The following MAPK6 variants were observed in gnomAD, a reference collection of about 807,000 sequenced individuals.
The protein encoded by MAPK6 is mitogen-activated protein kinase 6.
MAPK6 carries 19 observed loss-of-function variants against 59.3 expected under a neutral mutation model. The observed-to-expected ratio is 0.32, with a 90% confidence interval of 0.22 to 0.47. The LOEUF is 0.47. Among genes scored for constraint, MAPK6 ranks in the 20% least tolerant of loss-of-function variants. MAPK6 has a pLI of 1.00. For missense variants in MAPK6, 724 were observed against 847.9 expected (o/e 0.85, Z 1.81); for synonymous variants, 316 against 290.3 (o/e 1.09, Z -0.90).
intron 2 of MAPK6, among the ~76,000 whole-genome samples, chr15:51,986,255 C>T (rs905751915): frequency 1.3e-5 from 2 of 152,116 alleles, no homozygotes; most frequent in African/African-American, 4.8e-5. Flanking sequence ...TCCCATGATC[C>T]AATCACCTCC....
chr15:51,997,554 G>A (rs960334155), intron 2 of MAPK6, among the ~76,000 whole-genome samples: 2 of 151,756 alleles, frequency 1.3e-5, no homozygotes, highest in African/African-American at 2.4e-5. Context: ...CACCTTGCCC[G>A]GCCCAGGCAA....
intron 2 of MAPK6, among the ~76,000 whole-genome samples, chr15:51,992,807 T>C (rs1727585876): frequency 6.6e-6 from 1 of 152,164 alleles, no homozygotes; most frequent in South Asian, 2.1e-4. Context: ...TACGGATGGA[T>C]GAACAGTCGG....
At chr15:52,049,701 A>ACCTCC (rs994807234) in intron 2 of MAPK6, among the ~76,000 whole-genome samples, 1 of 139,438 alleles carries the variant, frequency 7.2e-6, no homozygotes, top group Non-Finnish European at 1.5e-5. Context: ...CGCAACCTCT[A>ACCTCC]CCTCCCGGGT....
intron 2 of MAPK6, among the ~76,000 whole-genome samples, chr15:52,002,187 C>T (rs2057243963): frequency 1.3e-5 from 2 of 152,154 alleles, no homozygotes; most frequent in African/African-American, 2.4e-5. Context: ...GAGCAATAAC[C>T]ATATAATCCC....
intron 1 of MAPK6, among the ~76,000 whole-genome samples, chr15:52,020,912 C>G (rs2030502924): frequency 6.6e-6 from 1 of 152,108 alleles, no homozygotes; most frequent in African/African-American, 2.4e-5. Context: ...TGCAGTTAAT[C>G]TAGAAAATAT....
At chr15:52,052,286 A>C (rs1256710786) in intron 3 of MAPK6, among the ~76,000 whole-genome samples, 2 of 152,182 alleles carry the variant, frequency 1.3e-5, no homozygotes, top group East Asian at 3.8e-4. Context: ...GTTCCTCACC[A>C]TGTGGGCTTC....
intron 1 of MAPK6, among the ~76,000 whole-genome samples, chr15:52,034,915 C>A (rs1480420276): frequency 6.6e-6 from 1 of 151,900 alleles, no homozygotes; most frequent in Non-Finnish European, 1.5e-5. Flanking sequence ...TCAGGCTGGT[C>A]TTGAACTCCC....
chr15:51,988,427 C>T (rs2057197747), intron 2 of MAPK6, among the ~76,000 whole-genome samples: 1 of 152,052 alleles, frequency 6.6e-6, no homozygotes, highest in African/African-American at 2.4e-5. Context: ...ACTGCAAACT[C>T]GGTGGCTTTA....
chr15:51,981,610 G>A lies in MAPK6; in HGVS notation c.-879-1596G>A, dbSNP rs141524740. Among the ~76,000 whole-genome samples, 375 of 152,310 alleles carry A rather than the reference G, an allele frequency of 2.5e-3. 1 individual carries two copies. Among genetic ancestry groups the A allele is most frequent in the African/African-American group, 8.6e-3 (357 of 41,554 alleles). On this transcript the variant is annotated intron_variant, in intron 1 of 7. Coordinates refer to the MAPK6 transcript ENST00000691380. ...CCTTTTGGAACCTTTTAAATATAGG[G>A]TTGGGTTTAGGAACCCGCTTCCTGG...
chr15:51,986,916 A>G (rs1031973204), intron 2 of MAPK6, among the ~76,000 whole-genome samples: 4 of 152,160 alleles, frequency 2.6e-5, no homozygotes, highest in African/African-American at 9.7e-5. Flanking sequence ...ATTAGAAAGG[A>G]TTAGGGACAT....
chr15:51,975,984 G>A (rs1166488408), intron 1 of MAPK6, among the ~76,000 whole-genome samples: 1 of 151,638 alleles, frequency 6.6e-6, no homozygotes, highest in Admixed American at 6.6e-5. Flanking sequence ...AGAGTTTGGG[G>A]GGCTGGACAC....
At chr15:52,016,541 A>C (rs915660059), upstream of MAPK6, among the ~76,000 whole-genome samples, 1 of 152,222 alleles carries the variant, frequency 6.6e-6, no homozygotes, top group Non-Finnish European at 1.5e-5. Context: ...GGTTTCAGGA[A>C]CTTCCTAAAA....
chr15:52,019,893 T>G (rs2030446932), intron 1 of MAPK6: 1 of 152,836 alleles, frequency 6.5e-6, no homozygotes, highest in Non-Finnish European at 1.5e-5. Flanking sequence ...CTCCCGCGTC[T>G]CCTCCCCCAT....
chr15:51,994,486 G>A (rs964351968), intron 2 of MAPK6, among the ~76,000 whole-genome samples: 1 of 152,114 alleles, frequency 6.6e-6, no homozygotes, highest in Non-Finnish European at 1.5e-5. Context: ...TATCACTGTG[G>A]TAAGCAATGA....
chr15:52,031,056 A>G (rs1273220108), intron 1 of MAPK6, among the ~76,000 whole-genome samples: 2 of 151,404 alleles, frequency 1.3e-5, no homozygotes, highest in Non-Finnish European at 2.9e-5. Flanking sequence ...GGCCTCCCAA[A>G]GTGCTGGGAT....
chr15:52,039,296 C>A (rs1052544075), intron 1 of MAPK6, among the ~76,000 whole-genome samples: 4 of 152,062 alleles, frequency 2.6e-5, no homozygotes, highest in Non-Finnish European at 5.9e-5. Context: ...ACTAGACTTA[C>A]TAGTTGTAAT....
intron 1 of MAPK6, among the ~76,000 whole-genome samples, chr15:51,975,165 G>A (rs2057153771): frequency 1.3e-5 from 2 of 151,770 alleles, no homozygotes; most frequent in African/African-American, 2.4e-5. Context: ...CATAGAACCC[G>A]AAGAACAAAG....
intron 1 of MAPK6, among the ~76,000 whole-genome samples, chr15:52,028,343 T>A (rs1344541560): frequency 6.6e-6 from 1 of 152,138 alleles, no homozygotes; most frequent in Non-Finnish European, 1.5e-5. Context: ...TGCCTTGGCC[T>A]CCCAAAGTGC....
intron 2 of MAPK6, among the ~76,000 whole-genome samples, chr15:51,987,920 C>G (rs1467024712): frequency 6.6e-6 from 1 of 151,944 alleles, no homozygotes; most frequent in Non-Finnish European, 1.5e-5. Context: ...CGCACGCCAC[C>G]ACACCTGGCT....
Sources: gnomAD v4.1 joint callset for allele counts (sites outside exome capture counted in the v4.1 genomes callset) on GRCh38, gnomAD v4.1.1 for gene constraint, MANE v1.5 for transcripts, NCBI Gene and HGNC (gene_info 2026-07-23, HGNC 2026-07-21) for gene names.